The following LAMA2 variants were observed in gnomAD, a reference collection of about 807,000 sequenced individuals.
LAMA2 encodes laminin subunit alpha-2.
Under a neutral mutation model 364.8 loss-of-function variants are expected in LAMA2, and 269 were observed. That is an observed-to-expected ratio of 0.74 (90% CI 0.67 to 0.82). The LOEUF is 0.82. Ranked by LOEUF, LAMA2 falls within the 40% of genes least tolerant of loss-of-function variation. The pLI, the probability that LAMA2 is intolerant of heterozygous loss-of-function variation, is 0.00. For missense variants in LAMA2, 3,807 were observed against 3,873.2 expected (o/e 0.98, Z 0.45); for synonymous variants, 1,379 against 1,370.6 (o/e 1.01, Z -0.14).
intron 38 of LAMA2, among the ~76,000 whole-genome samples, chr6:129,401,793 A>C (rs1469059913): frequency 6.6e-6 from 1 of 152,254 alleles, no homozygotes; most frequent in African/African-American, 2.4e-5. Flanking sequence ...GCATTGTTTA[A>C]ATAGATAGGC....
At chr6:129,291,166 G>A (rs1388429690) in intron 19 of LAMA2, among the ~76,000 whole-genome samples, 1 of 152,046 alleles carries the variant, frequency 6.6e-6, no homozygotes, top group Admixed American at 6.5e-5. Context: ...TACTTACAAT[G>A]GGATAATAGT....
At chr6:129,149,250 C>T (rs1474785134) in intron 7 of LAMA2, among the ~76,000 whole-genome samples, 154 bp downstream of exon 7, 2 of 152,040 alleles carry the variant, frequency 1.3e-5, no homozygotes, top group Non-Finnish European at 1.5e-5. Flanking sequence ...TCTAGCTTTT[C>T]CTAAAGGGAA....
chr6:129,372,697 A>G (rs964578516), intron 34 of LAMA2, among the ~76,000 whole-genome samples: 3 of 152,206 alleles, frequency 2.0e-5, no homozygotes, highest in Non-Finnish European at 2.9e-5. Context: ...TGGTAAGAGT[A>G]TATTTAGTTT....
At chr6:129,098,008 T>A (rs1775287216) in intron 3 of LAMA2, among the ~76,000 whole-genome samples, 165 bp from the exon 4 acceptor site, 1 of 152,178 alleles carries the variant, frequency 6.6e-6, no homozygotes, top group Non-Finnish European at 1.5e-5. Flanking sequence ...TAGCAAAAAA[T>A]TATTAGATAT....
intron 49 of LAMA2, among the ~76,000 whole-genome samples, chr6:129,461,110 C>T (rs182079089): frequency 8.6e-5 from 13 of 152,028 alleles, no homozygotes. Flanking sequence ...ATCACCCAAG[C>T]CTAAAGCAAT....
rs191405220 is a variant in LAMA2, at chr6:129,349,503, T to A, written c.4523+119T>A. 12 of 859,240 alleles carry A rather than the reference T, an allele frequency of 1.4e-5. No individual in the cohort carries two copies. In the Admixed American group the frequency reaches 1.8e-4, roughly 13 times the overall value. 53.2% of individuals were successfully genotyped at this position (859,240 alleles called of 1,614,324 possible). A position where few individuals can be genotyped will look rare whatever the true frequency, so the allele number is the denominator to read the frequency against. On this transcript the variant is annotated intron_variant, in intron 31 of 64. Coordinates refer to ENST00000421865, the MANE Select transcript of LAMA2 (RefSeq NM_000426.4). ...CAATATTTGCATATCCTTTAGAAGT[T>A]TAAATTACAATGCTTTCAAAACCAC...
At chr6:129,436,503 CT>C (rs141471984) in intron 41 of LAMA2, among the ~76,000 whole-genome samples, 30 of 151,954 alleles carry the variant, frequency 2.0e-4, no homozygotes, top group Middle Eastern at 3.4e-3. Context: ...TTCCCCCCTC[CT>C]TTTTTTTATT....
At chr6:129,464,077 A>C (rs1412820254) in intron 49 of LAMA2, among the ~76,000 whole-genome samples, 1 of 151,974 alleles carries the variant, frequency 6.6e-6, no homozygotes, top group Non-Finnish European at 1.5e-5. Context: ...CTAATGACTT[A>C]GTTATTGCAC....
chr6:128,988,014 G>A (rs963513718), intron 1 of LAMA2, among the ~76,000 whole-genome samples: 6 of 152,032 alleles, frequency 3.9e-5, no homozygotes, highest in African/African-American at 9.7e-5. Context: ...ACAGGCATCC[G>A]GCACCAGGCC....
In LAMA2 at chr6:129,260,740, T is replaced by C. The variant is rs917362527; in HGVS notation, c.2126T>C (p.Val709Ala). ...RLSSVNLESA[V>A]SYPTDGSIAA... ...AGCTCTGTTAACCTTGAATCCGCTG[T>C]CTCCTATCCTACTGATGGAAGCATT... Residue 709 changes from valine (V) to alanine (A), a missense_variant, in exon 15 of 65, where the codon GTC becomes GCC. Val to Ala is a moderately conservative substitution (Grantham distance 64). Around this residue, in one of 3 missense-constraint regions of LAMA2, gnomAD observed 3,333 missense variants for 3,345.7 expected, o/e 1.00. Transcript: ENST00000421865. 1 of 1,612,504 alleles carries C rather than the reference T, an allele frequency of 6.2e-7. No homozygotes were observed. Among genetic ancestry groups the C allele is most frequent in the Admixed American group, 1.7e-5 (1 of 59,984 alleles).
intron 58 of LAMA2, among the ~76,000 whole-genome samples, chr6:129,499,466 T>C (rs56929613): frequency 0.034 from 5,216 of 152,260 alleles, 196 homozygotes; most frequent in African/African-American, 0.09. Context: ...TTACCCTTTT[T>C]TCTTAGCTTA....
intron 38 of LAMA2, 56 bp downstream of exon 38, chr6:129,401,396 G>A (rs1445268900): frequency 1.8e-6 from 2 of 1,103,672 alleles, no homozygotes; most frequent in Non-Finnish European, 2.8e-6. Flanking sequence ...GGGAGCCGAT[G>A]AGAAAGCTCA....
intron 1 of LAMA2, among the ~76,000 whole-genome samples, chr6:128,894,110 G>A (rs189914916): frequency 2.6e-5 from 4 of 152,154 alleles, no homozygotes; most frequent in Admixed American, 6.5e-5. Flanking sequence ...CAAAAGATTG[G>A]CTGCAGTGTG....
intron 14 of LAMA2, among the ~76,000 whole-genome samples, chr6:129,257,370 C>G (rs977551046): frequency 2.0e-5 from 3 of 152,086 alleles, no homozygotes; most frequent in Non-Finnish European, 4.4e-5. Flanking sequence ...GTTGAAGTTT[C>G]TCATAGCTCA....
intron 32 of LAMA2, among the ~76,000 whole-genome samples, chr6:129,360,358 T>C (rs983884725): frequency 6.6e-6 from 1 of 152,202 alleles, no homozygotes; most frequent in African/African-American, 2.4e-5. Flanking sequence ...CTTTGGACTT[T>C]TTGAGGGCAA....
intron 1 of LAMA2, among the ~76,000 whole-genome samples, chr6:129,035,977 G>A (rs1786614785): frequency 6.6e-6 from 1 of 151,948 alleles, no homozygotes; most frequent in Admixed American, 6.6e-5. Context: ...GCTCCTTTTT[G>A]TTTCCATATT....
At chr6:129,411,610 G>T (rs1034834171) in intron 40 of LAMA2, among the ~76,000 whole-genome samples, 3 of 152,140 alleles carry the variant, frequency 2.0e-5, no homozygotes, top group Non-Finnish European at 4.4e-5. Context: ...TTGCAATGGG[G>T]TTAGGTGTCT....
At chr6:129,226,319 A>C (rs1199906674) in intron 12 of LAMA2, among the ~76,000 whole-genome samples, 2 of 152,050 alleles carry the variant, frequency 1.3e-5, no homozygotes, top group African/African-American at 4.8e-5. Flanking sequence ...TAATTAGAGC[A>C]TTTAGCCCAT....
chr6:128,900,841 G>A (rs1413652248), intron 1 of LAMA2, among the ~76,000 whole-genome samples: 4 of 152,106 alleles, frequency 2.6e-5, no homozygotes, highest in African/African-American at 9.7e-5. Flanking sequence ...CTTTCACTAA[G>A]GTATTTGAGC....
Sources: allele counts gnomAD v4.1 joint callset (sites outside exome capture counted in the v4.1 genomes callset), GRCh38; gene constraint gnomAD v4.1.1; regional missense constraint gnomAD v4.1.1; transcripts MANE v1.5; gene names NCBI Gene and HGNC (gene_info 2026-07-23, HGNC 2026-07-21).